ADAM23: variants seen among roughly 807,000 people sequenced by gnomAD.
ADAM23 encodes ADAM metallopeptidase domain 23, also known as disintegrin and metalloproteinase domain-containing protein 23.
ADAM23 carries 33 observed loss-of-function variants against 120.1 expected under a neutral mutation model. That is an observed-to-expected ratio of 0.27 (90% CI 0.21 to 0.37). The LOEUF (loss-of-function observed/expected upper bound fraction) is 0.37, where lower values mean the gene tolerates loss of function less well. ADAM23 is among the 10% of genes least tolerant of loss of function. ADAM23 has a pLI of 1.00. For synonymous variants in ADAM23, 367 were observed against 375.2 expected (o/e 0.98, Z 0.25); for missense variants, 862 against 1,058.2 (o/e 0.81, Z 2.57).
At chr2:206,614,975 G>A (rs1362824525) in intron 25 of ADAM23, among the ~76,000 whole-genome samples, 2 of 152,016 alleles carry the variant, frequency 1.3e-5, no homozygotes, top group Non-Finnish European at 1.5e-5. Context: ...CTGCCCCAGC[G>A]CCCCAGGGAA....
chr2:206,464,145 A>G (rs1392766382), intron 2 of ADAM23, among the ~76,000 whole-genome samples: 5 of 152,202 alleles, frequency 3.3e-5, no homozygotes, highest in Non-Finnish European at 5.9e-5. Context: ...ATATATTTTT[A>G]AAAATCTAGT....
At chr2:206,587,602 G>A (rs1214817010) in intron 19 of ADAM23, among the ~76,000 whole-genome samples, 5 of 151,976 alleles carry the variant, frequency 3.3e-5, no homozygotes, top group African/African-American at 4.8e-5. Context: ...GAATGTAATG[G>A]CTGAAGAACT....
intron 14 of ADAM23, among the ~76,000 whole-genome samples, chr2:206,566,795 C>G (rs1697893494): frequency 6.6e-6 from 1 of 151,872 alleles, no homozygotes; most frequent in Non-Finnish European, 1.5e-5. Flanking sequence ...TCACAACTCT[C>G]TCCTCCAATG....
chr2:206,470,631 A>G (rs565994705), intron 2 of ADAM23, among the ~76,000 whole-genome samples: 1 of 152,184 alleles, frequency 6.6e-6, no homozygotes, highest in African/African-American at 2.4e-5. Context: ...GGCCTTAATC[A>G]TGTTACTTAG....
intron 6 of ADAM23, among the ~76,000 whole-genome samples, chr2:206,545,225 C>T (rs1336449791): frequency 1.3e-5 from 2 of 152,052 alleles, no homozygotes; most frequent in African/African-American, 2.4e-5. Flanking sequence ...TGGTAGCTCA[C>T]GCCTATAATC....
At chr2:206,447,272 G>A (rs571684996) in intron 2 of ADAM23, among the ~76,000 whole-genome samples, 1 of 152,252 alleles carries the variant, frequency 6.6e-6, no homozygotes, top group Non-Finnish European at 1.5e-5. Context: ...CTTTTATACT[G>A]TACTTTGAAA....
At chr2:206,548,169 C>A in intron 7 of ADAM23, 112 bp from the exon 8 acceptor site, 1 of 905,340 alleles carries the variant, frequency 1.1e-6, no homozygotes, top group Non-Finnish European at 1.7e-6. Context: ...TGCTTTTTTT[C>A]ACCTTAGTTT....
At chr2:206,500,397 G>A (rs1413442090) in intron 3 of ADAM23, among the ~76,000 whole-genome samples, 1 of 152,112 alleles carries the variant, frequency 6.6e-6, no homozygotes, top group African/African-American at 2.4e-5. Context: ...CAGGTAGTTA[G>A]CCATGATAAT....
chr2:206,476,534 C>G (rs901926404), intron 2 of ADAM23, among the ~76,000 whole-genome samples: 1 of 152,056 alleles, frequency 6.6e-6, no homozygotes, highest in African/African-American at 2.4e-5. Flanking sequence ...GTGAACTGCA[C>G]GTGCGATGGA....
chr2:206,583,594 A>C (rs1574548591), intron 18 of ADAM23, among the ~76,000 whole-genome samples: 1 of 152,120 alleles, frequency 6.6e-6, no homozygotes, highest in East Asian at 1.9e-4. Context: ...GGATGGGGTT[A>C]ATTCGAAGAC....
chr2:206,598,698 G>A (rs1223456653), intron 24 of ADAM23, among the ~76,000 whole-genome samples: 3 of 152,126 alleles, frequency 2.0e-5, no homozygotes, highest in South Asian at 2.1e-4. Flanking sequence ...TCAGGAGTTC[G>A]AGACCAGCCT....
chr2:206,541,921 A>G (rs1697297228), intron 4 of ADAM23, 131 bp from the exon 5 acceptor site: 2 of 852,936 alleles, frequency 2.3e-6, no homozygotes, highest in South Asian at 1.9e-5. Flanking sequence ...TTTATATAGG[A>G]GGAGTTTCTA....
At chr2:206,517,035 T>G (rs947897091) in intron 3 of ADAM23, among the ~76,000 whole-genome samples, 7 of 152,026 alleles carry the variant, frequency 4.6e-5, no homozygotes, top group Non-Finnish European at 8.8e-5. Flanking sequence ...AAAATAATAG[T>G]AAGCTTGCTA....
intron 3 of ADAM23, among the ~76,000 whole-genome samples, chr2:206,497,956 G>A (rs1359605578): frequency 2.0e-5 from 3 of 152,112 alleles, no homozygotes; most frequent in African/African-American, 7.2e-5. Context: ...GGGATGTGAA[G>A]GAGCTCTTCA....
intron 2 of ADAM23, among the ~76,000 whole-genome samples, chr2:206,453,790 A>G (rs1030223525): frequency 4.6e-5 from 7 of 152,268 alleles, no homozygotes; most frequent in Non-Finnish European, 1.0e-4. Context: ...AGCCTGGGAC[A>G]GATGTGAACC....
At chr2:206,593,605 G>A (rs1340650424) in intron 22 of ADAM23, among the ~76,000 whole-genome samples, 1 of 151,948 alleles carries the variant, frequency 6.6e-6, no homozygotes, top group Non-Finnish European at 1.5e-5. Flanking sequence ...TTCTAACAGG[G>A]TCTTAGTAAG....
intron 11 of ADAM23, 47 bp downstream of exon 11, chr2:206,560,165 A>G (rs1348832769): frequency 6.5e-7 from 1 of 1,544,550 alleles, no homozygotes; most frequent in East Asian, 2.3e-5. Context: ...TCTGACATTT[A>G]TCCTTATCCC....
chr2:206,479,481 T>C (rs1695850730), intron 2 of ADAM23, among the ~76,000 whole-genome samples: 1 of 152,226 alleles, frequency 6.6e-6, no homozygotes, highest in South Asian at 2.1e-4. Context: ...TCTTAGGAAG[T>C]AAATTTTACA....
chr2:206,551,128 G>A (rs1697516817), intron 9 of ADAM23, among the ~76,000 whole-genome samples: 1 of 152,122 alleles, frequency 6.6e-6, no homozygotes, highest in Non-Finnish European at 1.5e-5. Context: ...TGGTCAGTAG[G>A]CTATATACTA....
Sources: gnomAD v4.1 joint callset for allele counts (sites outside exome capture counted in the v4.1 genomes callset) on GRCh38, gnomAD v4.1.1 for gene constraint, MANE v1.5 for transcripts, NCBI Gene and HGNC (gene_info 2026-07-23, HGNC 2026-07-21) for gene names.